The following MYZAP variants were observed in gnomAD, a reference collection of about 807,000 sequenced individuals.
MYZAP encodes myocardial zonula adherens protein.
MYZAP carries 66 observed loss-of-function variants against 69.4 expected under a neutral mutation model. That is an observed-to-expected ratio of 0.95 (90% CI 0.78 to 1.17). MYZAP has a LOEUF of 1.17. Ranked by LOEUF, MYZAP falls within the 50% of genes most tolerant of loss-of-function variation. The pLI, the probability that MYZAP is intolerant of heterozygous loss-of-function variation, is 0.00. For synonymous variants in MYZAP, 256 were observed against 205.9 expected (o/e 1.24, Z -2.09); for missense variants, 611 against 556.2 (o/e 1.10, Z -0.99).
chr15:57,599,800 C>G, intron 1 of MYZAP: 1 of 916,340 alleles, frequency 1.1e-6, no homozygotes, highest in Non-Finnish European at 1.5e-6. Flanking sequence ...ACTCGGACAA[C>G]TTTATGGGTG....
intron 12 of MYZAP, among the ~76,000 whole-genome samples, chr15:57,680,501 A>ACG (rs1293025428): frequency 2.0e-5 from 3 of 150,488 alleles, no homozygotes; most frequent in African/African-American, 5.0e-5. Flanking sequence ...ACACACACAC[A>ACG]CACACACACA....
chr15:57,620,290 A>G (rs540513968), intron 3 of MYZAP, among the ~76,000 whole-genome samples: 5 of 152,290 alleles, frequency 3.3e-5, no homozygotes, highest in African/African-American at 1.2e-4. Flanking sequence ...CATGCTGTCT[A>G]TTTTAAAACA....
At chr15:57,659,607 A>G (rs1447607285) in intron 10 of MYZAP, among the ~76,000 whole-genome samples, 3 of 152,228 alleles carry the variant, frequency 2.0e-5, no homozygotes, top group Admixed American at 6.5e-5. Context: ...ATGAGAGATT[A>G]CTTTGCAGCT....
intron 10 of MYZAP, chr15:57,647,710 A>G: frequency 1.0e-6 from 1 of 985,368 alleles, no homozygotes; most frequent in Non-Finnish European, 1.2e-6. Context: ...GTGCCTCCTA[A>G]GTGGATGCCC....
intron 1 of MYZAP, among the ~76,000 whole-genome samples, chr15:57,596,666 C>T (rs2034079224): frequency 6.6e-6 from 1 of 152,214 alleles, no homozygotes; most frequent in Non-Finnish European, 1.5e-5. Flanking sequence ...GGAAAAAGTT[C>T]ACACTCCTTA....
At chr15:57,627,253 C>A (rs777809262) in intron 5 of MYZAP, among the ~76,000 whole-genome samples, 1 of 152,064 alleles carries the variant, frequency 6.6e-6, no homozygotes, top group Non-Finnish European at 1.5e-5. Flanking sequence ...GCTGGGCCAG[C>A]TCTGACCCAG....
At chr15:57,635,344 G>A (rs568305505) in intron 8 of MYZAP, among the ~76,000 whole-genome samples, 2 of 152,166 alleles carry the variant, frequency 1.3e-5, no homozygotes, top group African/African-American at 2.4e-5. Flanking sequence ...ACTCTGTTAC[G>A]AGGTTGCCTA....
At position 57,639,400 on chromosome 15, in the gene MYZAP, G is replaced by C. The variant is rs1242904827; in HGVS notation, c.1014-40G>C. ...CTGTTGCTACTGCTGTTGCTGCTTTGGTTTAGGACTCATTTGCTTTTTTCT... is the reference window on the plus strand; with the variant it reads ...CTGTTGCTACTGCTGTTGCTGCTTTCGTTTAGGACTCATTTGCTTTTTTCT... On this transcript the variant is annotated intron_variant, in intron 9 of 12. Coordinates refer to ENST00000267853, the MANE Select transcript of MYZAP (RefSeq NM_001018100.5). The C allele has an allele frequency of 2.5e-6, 4 of 1,605,122 alleles. No homozygotes were observed. The Admixed American group carries it at 5.0e-5, about 20-fold the overall frequency.
intron 2 of MYZAP, among the ~76,000 whole-genome samples, chr15:57,606,012 G>C (rs1320570510): frequency 6.6e-6 from 1 of 151,968 alleles, no homozygotes; most frequent in Non-Finnish European, 1.5e-5. Context: ...AATAGGGAAG[G>C]CTCCCTTTTT....
At chr15:57,617,193 GT>G (rs1441614779) in intron 2 of MYZAP, among the ~76,000 whole-genome samples, 1 of 152,122 alleles carries the variant, frequency 6.6e-6, no homozygotes, top group Non-Finnish European at 1.5e-5. Flanking sequence ...CTGAACTTCA[GT>G]TTTCTCAGCT....
At chr15:57,636,923 T>G (rs2036852359) in intron 8 of MYZAP, among the ~76,000 whole-genome samples, 1 of 152,196 alleles carries the variant, frequency 6.6e-6, no homozygotes, top group Non-Finnish European at 1.5e-5. Flanking sequence ...AATCCAGGTG[T>G]TGGCAGAGCT....
intron 10 of MYZAP, 69 bp from the exon 11 acceptor site, chr15:57,661,381 C>T (rs1371727069): frequency 7.9e-6 from 9 of 1,138,146 alleles, no homozygotes; most frequent in Admixed American, 2.2e-5. Flanking sequence ...GCATCTATTC[C>T]AGTTGATAAA....
At chr15:57,622,057 C>T (rs1320438192) in intron 4 of MYZAP, among the ~76,000 whole-genome samples, 6 of 152,022 alleles carry the variant, frequency 3.9e-5, no homozygotes, top group Non-Finnish European at 1.5e-5. Flanking sequence ...TCACTGTTTA[C>T]AAACTATATG....
chr15:57,641,408 A>G (rs1377310064), intron 10 of MYZAP, among the ~76,000 whole-genome samples: 1 of 152,166 alleles, frequency 6.6e-6, no homozygotes, highest in Admixed American at 6.5e-5. Context: ...GTATTTATAC[A>G]TGTGTATACA....
chr15:57,625,141 T>TCGGC (rs2036051819), intron 4 of MYZAP, among the ~76,000 whole-genome samples: 13 of 150,068 alleles, frequency 8.7e-5, no homozygotes, highest in African/African-American at 1.7e-4. Context: ...CACTGCAACC[T>TCGGC]TGGCTCACTG....
intron 10 of MYZAP, among the ~76,000 whole-genome samples, chr15:57,656,561 C>G (rs966071846): frequency 1.3e-5 from 2 of 152,132 alleles, no homozygotes; most frequent in Non-Finnish European, 2.9e-5. Context: ...AGGAGGCTAT[C>G]AAACCCAGGA....
At chr15:57,643,568 T>C (rs2037280803) in intron 10 of MYZAP, among the ~76,000 whole-genome samples, 1 of 152,132 alleles carries the variant, frequency 6.6e-6, no homozygotes, top group Non-Finnish European at 1.5e-5. Flanking sequence ...CTTTACCTGC[T>C]CTCACCATGG....
rs763946935 is a variant in MYZAP, at chr15:57,674,997, T to G, written c.1233T>G (p.Tyr411Ter). Residue 411 changes from tyrosine to a stop codon, truncating the protein, a stop_gained, in exon 12 of 13, where the codon TAT (tyrosine) becomes TAG (stop). Transcript: ENST00000267853. LOFTEE classifies it high-confidence loss of function. Reference protein sequence around the residue: ...ENNELQSRLDYLTETQAKTEV... With the variant: ...ENNELQSRLD The stretch of plus-strand genomic sequence containing the variant: ...ATGAACTACAAAGCAGGTTGGACTA[T>G]TTAACAGAAACCCAGGCCAAGACCG... The G allele has an allele frequency of 5.6e-6, 9 of 1,613,710 alleles. No homozygotes were observed. The highest frequency in any genetic ancestry group is 6.8e-6 in the Non-Finnish European group (8 of 1,179,656).
At position 57,684,812 on chromosome 15, in the gene MYZAP, C is replaced by T; in HGVS notation, c.*314C>T. 4.9e-6 allele frequency: 1 copy of T among 206,090 alleles called. No individual in the cohort carries two copies. Among genetic ancestry groups the T allele is most frequent in the Non-Finnish European group, 9.6e-6 (1 of 103,710 alleles). 12.8% of individuals were successfully genotyped at this position (206,090 alleles called of 1,614,324 possible). A position where few individuals can be genotyped will look rare whatever the true frequency, so the allele number is the denominator to read the frequency against. On this transcript the variant is annotated 3_prime_UTR_variant, in exon 13 of 13. Coordinates refer to ENST00000267853, the MANE Select transcript of MYZAP (RefSeq NM_001018100.5). Reference sequence around the variant, plus strand: ...TTCACAATGTATTTTATTTGCTAGACTTTGGTTGGGAGGGAAAAGGACATT... The same window carrying T: ...TTCACAATGTATTTTATTTGCTAGATTTTGGTTGGGAGGGAAAAGGACATT...
Sources: gnomAD v4.1 joint callset for allele counts (sites outside exome capture counted in the v4.1 genomes callset) on GRCh38, gnomAD v4.1.1 for gene constraint, MANE v1.5 for transcripts, NCBI Gene and HGNC (gene_info 2026-07-23, HGNC 2026-07-21) for gene names.